Variants in FBXL17 observed in about 807,000 individuals in gnomAD.
FBXL17 encodes the protein F-box and leucine rich repeat protein 17.
FBXL17 carries 22 observed loss-of-function variants against 66.2 expected under a neutral mutation model. The observed-to-expected ratio is 0.33, with a 90% confidence interval of 0.24 to 0.47. The LOEUF (loss-of-function observed/expected upper bound fraction) is 0.47, where lower values mean the gene tolerates loss of function less well. Among genes scored for constraint, FBXL17 ranks in the 20% least tolerant of loss-of-function variants. The pLI, the probability that FBXL17 is intolerant of heterozygous loss-of-function variation, is 1.00. For missense variants in FBXL17, 878 were observed against 948.2 expected, an observed-to-expected ratio of 0.93 and a Z score of 0.97; for synonymous variants, 474 against 400.5, an observed-to-expected ratio of 1.18 and a Z score of -2.19.
At chr5:108,260,366 C>T (rs966028053) in intron 4 of FBXL17, among the ~76,000 whole-genome samples, 1 of 152,076 alleles carries the variant, frequency 6.6e-6, no homozygotes, top group Non-Finnish European at 1.5e-5. Flanking sequence ...TGGTCATCCG[C>T]CCTTCCCAAT....
chr5:108,059,644 C>T (rs183435932), intron 6 of FBXL17, among the ~76,000 whole-genome samples: 3 of 152,162 alleles, frequency 2.0e-5, no homozygotes, highest in East Asian at 3.9e-4. Flanking sequence ...TTTTTGTTCT[C>T]CAAATGACCA....
At chr5:107,910,220 C>T (rs1363643120) in intron 7 of FBXL17, among the ~76,000 whole-genome samples, 1 of 152,040 alleles carries the variant, frequency 6.6e-6, no homozygotes, top group East Asian at 1.9e-4. Context: ...AGAAATAATA[C>T]AATTGGGCCT....
intron 4 of FBXL17, among the ~76,000 whole-genome samples, chr5:108,282,240 T>C (rs893947036): frequency 2.6e-5 from 4 of 151,810 alleles, no homozygotes; most frequent in Admixed American, 1.3e-4. Context: ...CTGACTAATA[T>C]CTTTGTTTAA....
intron 4 of FBXL17, chr5:108,298,654 C>T: frequency 1.1e-6 from 1 of 887,410 alleles, no homozygotes; most frequent in South Asian, 5.2e-5. Flanking sequence ...ACAGTTCATC[C>T]TTTGATATAG....
intron 8 of FBXL17, among the ~76,000 whole-genome samples, chr5:107,863,913 G>A (rs1192967375): frequency 3.3e-5 from 5 of 152,152 alleles, no homozygotes; most frequent in African/African-American, 1.2e-4. Context: ...TGCAAGGTAT[G>A]TCCGCTCTTT....
chr5:108,095,369 G>A (rs1749329612), intron 6 of FBXL17, among the ~76,000 whole-genome samples: 1 of 151,994 alleles, frequency 6.6e-6, no homozygotes. Context: ...CATACAGGAA[G>A]AAAGAGAGGG....
At chr5:107,892,312 A>G (rs2112519148) in intron 7 of FBXL17, among the ~76,000 whole-genome samples, 1 of 152,268 alleles carries the variant, frequency 6.6e-6, no homozygotes, top group South Asian at 2.1e-4. Flanking sequence ...GGTCTTGTTT[A>G]AAGAGTTCAC....
intron 7 of FBXL17, among the ~76,000 whole-genome samples, chr5:107,962,347 T>C (rs1185474397): frequency 6.6e-6 from 1 of 152,196 alleles, no homozygotes. Context: ...TTTAGCAATC[T>C]ATGCTTTCAC....
intron 6 of FBXL17, among the ~76,000 whole-genome samples, chr5:108,045,562 C>T (rs767993883): frequency 9.5e-4 from 145 of 152,108 alleles, no homozygotes; most frequent in Non-Finnish European, 1.8e-3. Context: ...TTAAAAATTT[C>T]CCTCTTTTCT....
In FBXL17 at chr5:108,030,444, C is replaced by A. The variant is rs868680873; in HGVS notation, c.1746-9443G>T. Among the ~76,000 whole-genome samples the A allele has an allele frequency of 1.8e-4, 28 of 152,256 alleles. 1 individual carries two copies. The highest frequency in any genetic ancestry group is 6.8e-3 in the Middle Eastern group (2 of 294). On this transcript the variant is annotated intron_variant, in intron 6 of 8. Transcript: ENST00000542267. Reference sequence around the variant, plus strand: ...TTGTTTCAGACAGTGGGTACCTCTGCAGGCAACATCATGTCTGACAGCCAG... The same window carrying A: ...TTGTTTCAGACAGTGGGTACCTCTGAAGGCAACATCATGTCTGACAGCCAG...
At chr5:108,264,699 G>C (rs1434500619) in intron 4 of FBXL17, among the ~76,000 whole-genome samples, 1 of 152,068 alleles carries the variant, frequency 6.6e-6, no homozygotes, top group Non-Finnish European at 1.5e-5. Context: ...AAAAAGATCA[G>C]AGTGCAAAGA....
Position 108,154,640 on chromosome 5 carries a change from C to CATATGTATAT in FBXL17, c.1745+31476_1745+31477insATATACATAT, listed in dbSNP as rs1751911470. Among the ~76,000 whole-genome samples the CATATGTATAT allele has an allele frequency of 8.4e-5, 8 of 95,748 alleles. No individual in the cohort carries two copies. In the South Asian group the frequency reaches 3.8e-3, roughly 45 times the overall value. 62.8% of individuals were successfully genotyped at this position (95,748 alleles called of 152,430 possible). On this transcript the variant is annotated intron_variant, in intron 6 of 8. Coordinates refer to ENST00000542267, the MANE Select transcript of FBXL17 (RefSeq NM_001163315.3). ...ATACACACACACACACACACACACA[C>CATATGTATAT]ACACACACATATATGTATATACATA...
In FBXL17 at chr5:108,080,024, C is replaced by A. The variant is rs138888936; in HGVS notation, c.1746-59023G>T. 4.0e-3 allele frequency among the ~76,000 whole-genome samples: 610 copies of A among 152,274 alleles called. 7 individuals are homozygous for A. The highest frequency in any genetic ancestry group is 0.014 in the Middle Eastern group (4 of 294). ...TATTAAGCACAGTGTTTCTGTATTA[C>A]ACAGTGCTTTTGTATAGGATTGAAC... On this transcript the variant is annotated intron_variant, in intron 6 of 8. Transcript: ENST00000542267.
intron 7 of FBXL17, among the ~76,000 whole-genome samples, chr5:107,908,680 A>G (rs1281630765): frequency 6.6e-6 from 1 of 152,176 alleles, no homozygotes; most frequent in Non-Finnish European, 1.5e-5. Flanking sequence ...GACAGCTGAA[A>G]AGTGACAGGA....
chr5:108,210,804 AG>A (rs1211136211), intron 5 of FBXL17, among the ~76,000 whole-genome samples: 1 of 152,136 alleles, frequency 6.6e-6, no homozygotes, highest in Non-Finnish European at 1.5e-5. Context: ...TGGGGTGGAG[AG>A]TTCTGTAGAT....
At chr5:108,254,636 C>T (rs989540714) in intron 4 of FBXL17, among the ~76,000 whole-genome samples, 3 of 152,136 alleles carry the variant, frequency 2.0e-5, no homozygotes, top group African/African-American at 7.2e-5. Flanking sequence ...TAATAGATTT[C>T]TATTTAATTG....
chr5:108,062,462 A>G (rs1048798642), intron 6 of FBXL17, among the ~76,000 whole-genome samples: 10 of 152,118 alleles, frequency 6.6e-5, no homozygotes, highest in Admixed American at 5.9e-4. Flanking sequence ...TCCAACAACT[A>G]TTATAGTTGA....
chr5:108,246,305 A>C (rs113311504), intron 4 of FBXL17, among the ~76,000 whole-genome samples: 1 of 152,184 alleles, frequency 6.6e-6, no homozygotes, highest in African/African-American at 2.4e-5. Context: ...GTTCAAGACC[A>C]GCCTGGGCAA....
At chr5:108,094,425 T>C (rs549004252) in intron 6 of FBXL17, among the ~76,000 whole-genome samples, 1 of 152,130 alleles carries the variant, frequency 6.6e-6, no homozygotes, top group Non-Finnish European at 1.5e-5. Flanking sequence ...AGGACAAGTG[T>C]TGAACACCAT....
Sources: gnomAD v4.1 joint callset for allele counts (sites outside exome capture counted in the v4.1 genomes callset) on GRCh38, gnomAD v4.1.1 for gene constraint, MANE v1.5 for transcripts, NCBI Gene and HGNC (gene_info 2026-07-23, HGNC 2026-07-21) for gene names.